The following ARHGAP26 variants were observed in gnomAD, a reference collection of about 807,000 sequenced individuals.
ARHGAP26 encodes Rho GTPase activating protein 26, also known as rho GTPase-activating protein 26.
In ARHGAP26, 38 loss-of-function variants were observed where a neutral mutation model predicts 104.8. That is an observed-to-expected ratio of 0.36 (90% CI 0.28 to 0.48). The LOEUF (loss-of-function observed/expected upper bound fraction) is 0.48. ARHGAP26 is among the 20% of genes least tolerant of loss of function. ARHGAP26 has a pLI of 0.99. For synonymous variants in ARHGAP26, 341 were observed against 340.0 expected, an observed-to-expected ratio of 1.00 and a Z score of -0.03; for missense variants, 704 against 947.9, an observed-to-expected ratio of 0.74 and a Z score of 3.38.
intron 5 of ARHGAP26, among the ~76,000 whole-genome samples, chr5:142,891,540 A>C (rs1758662036): frequency 6.6e-6 from 1 of 151,952 alleles, no homozygotes; most frequent in African/African-American, 2.4e-5. Flanking sequence ...ACTATGCTGT[A>C]AGTTCTATGA....
intron 19 of ARHGAP26, among the ~76,000 whole-genome samples, chr5:143,143,343 A>G (rs956251969): frequency 6.6e-6 from 1 of 152,142 alleles, no homozygotes; most frequent in African/African-American, 2.4e-5. Flanking sequence ...TGGGGTTGCC[A>G]TTAGAGTGGG....
chr5:143,045,251 A>C (rs1253782091), intron 14 of ARHGAP26, among the ~76,000 whole-genome samples: 1 of 152,248 alleles, frequency 6.6e-6, no homozygotes, highest in Non-Finnish European at 1.5e-5. Flanking sequence ...TCACGAGGGC[A>C]GCTGCCTCTG....
At chr5:142,795,886 C>T (rs1356169847) in intron 1 of ARHGAP26, among the ~76,000 whole-genome samples, 1 of 152,084 alleles carries the variant, frequency 6.6e-6, no homozygotes, top group Non-Finnish European at 1.5e-5. Context: ...CTCTCAAATC[C>T]CCAGGATCCT....
intron 17 of ARHGAP26, among the ~76,000 whole-genome samples, chr5:143,065,634 G>C (rs1360390441): frequency 6.6e-6 from 1 of 152,146 alleles, no homozygotes. Context: ...CGCACATCAG[G>C]TTTTCTTGGC....
chr5:143,022,724 A>G (rs374949897), intron 12 of ARHGAP26, among the ~76,000 whole-genome samples: 1 of 152,358 alleles, frequency 6.6e-6, no homozygotes, highest in African/African-American at 2.4e-5. Flanking sequence ...GTTCACAGCA[A>G]CTGAGTTTCC....
intron 1 of ARHGAP26, among the ~76,000 whole-genome samples, chr5:142,823,823 T>G (rs529679280): frequency 1.3e-5 from 2 of 152,356 alleles, no homozygotes; most frequent in East Asian, 3.9e-4. Flanking sequence ...CAGTCTTTCC[T>G]TAGGCTACTT....
At chr5:143,152,881 G>A (rs1358786542) in intron 20 of ARHGAP26, among the ~76,000 whole-genome samples, 1 of 152,246 alleles carries the variant, frequency 6.6e-6, no homozygotes, top group African/African-American at 2.4e-5. Flanking sequence ...ACCTGGGTTA[G>A]TCAGGCAAGA....
chr5:143,210,957 G>C (rs754224343), intron 21 of ARHGAP26, among the ~76,000 whole-genome samples: 4 of 152,194 alleles, frequency 2.6e-5, no homozygotes, highest in Non-Finnish European at 5.9e-5. Flanking sequence ...GATATACTGT[G>C]GAGAATAGGA....
At position 142,994,451 on chromosome 5, in the gene ARHGAP26, C is replaced by T. The variant is rs140181994; in HGVS notation, c.1108-19629C>T. ...TGGACATTATGCTGTTAAGGGGTGA[C>T]GCAACCATAAAGGATTTGAGCAGAA... is the stretch of plus-strand genomic sequence containing the variant. On this transcript the variant is annotated intron_variant, in intron 11 of 22. Transcript: ENST00000645722. 2.3e-3 allele frequency among the ~76,000 whole-genome samples: 357 copies of T among 152,188 alleles called. 1 individual carries two copies. The highest frequency in any genetic ancestry group is 6.3e-3 in the African/African-American group (261 of 41,520).
intron 3 of ARHGAP26, 82 bp downstream of exon 3, chr5:142,875,253 T>C: frequency 7.4e-7 from 1 of 1,356,064 alleles, no homozygotes; most frequent in South Asian, 1.2e-5. Context: ...AAGAACTAGA[T>C]TCAAATCCAG....
At chr5:142,982,684 G>A (rs1774116908) in intron 11 of ARHGAP26, among the ~76,000 whole-genome samples, 1 of 152,198 alleles carries the variant, frequency 6.6e-6, no homozygotes, top group Non-Finnish European at 1.5e-5. Flanking sequence ...CTTCTTGAGA[G>A]GTTTTGAAAT....
chr5:142,900,103 G>A (rs1265855804), intron 6 of ARHGAP26, among the ~76,000 whole-genome samples: 1 of 152,226 alleles, frequency 6.6e-6, no homozygotes, highest in Non-Finnish European at 1.5e-5. Flanking sequence ...AGCAGGGAGA[G>A]CAGAGTTAAG....
chr5:142,797,068 A>C (rs1263685138), intron 1 of ARHGAP26, among the ~76,000 whole-genome samples: 1 of 152,212 alleles, frequency 6.6e-6, no homozygotes, highest in Non-Finnish European at 1.5e-5. Flanking sequence ...CACAGTGAAG[A>C]GTCTTTGTTC....
chr5:142,828,891 C>G (rs1318421987), intron 1 of ARHGAP26, among the ~76,000 whole-genome samples: 1 of 152,208 alleles, frequency 6.6e-6, no homozygotes, highest in Non-Finnish European at 1.5e-5. Context: ...CAGGTCCCCG[C>G]CTTCCTCCAG....
At chr5:142,889,077 A>G (rs1758117049) in intron 5 of ARHGAP26, among the ~76,000 whole-genome samples, 1 of 152,206 alleles carries the variant, frequency 6.6e-6, no homozygotes, top group Admixed American at 6.5e-5. Context: ...GAAGCATAAC[A>G]TTCCGCTTAG....
chr5:142,806,156 A>G (rs958183218), intron 1 of ARHGAP26, among the ~76,000 whole-genome samples: 2 of 152,224 alleles, frequency 1.3e-5, no homozygotes, highest in Admixed American at 1.3e-4. Context: ...TGCAAGGCAC[A>G]AAGACGGCTC....
rs144896264 is a variant in ARHGAP26, at chr5:142,963,000, G to A, written c.1107+30875G>A. The stretch of plus-strand genomic sequence containing the variant: ...TCCAGTGTCTGTTGTTCCCCTCTGC[G>A]TTCATGAGTTCTCATCATTTAGCTC... On this transcript the variant is annotated intron_variant, in intron 11 of 22. Coordinates refer to ENST00000645722, the MANE Select transcript of ARHGAP26 (RefSeq NM_001135608.3). 7.9e-5 allele frequency among the ~76,000 whole-genome samples: 12 copies of A among 151,460 alleles called. No homozygotes were observed. The South Asian group carries it at 2.1e-3, about 26-fold the overall frequency.
chr5:142,914,721 T>C (rs1158648270), intron 10 of ARHGAP26, among the ~76,000 whole-genome samples: 1 of 152,146 alleles, frequency 6.6e-6, no homozygotes, highest in East Asian at 1.9e-4. Context: ...TAGCTTGAAC[T>C]GGGGTAGCAA....
At chr5:143,152,831 G>A (rs1047081900) in intron 20 of ARHGAP26, among the ~76,000 whole-genome samples, 4 of 152,160 alleles carry the variant, frequency 2.6e-5, no homozygotes, top group South Asian at 2.1e-4. Flanking sequence ...CTCTCTCAGC[G>A]CAGCTCAGCA....
Sources: allele counts gnomAD v4.1 joint callset (sites outside exome capture counted in the v4.1 genomes callset), GRCh38; gene constraint gnomAD v4.1.1; transcripts MANE v1.5; gene names NCBI Gene and HGNC (gene_info 2026-07-23, HGNC 2026-07-21).